The following SLC1A2 variants were observed in gnomAD, a reference collection of about 807,000 sequenced individuals.
The protein encoded by SLC1A2 is solute carrier family 1 member 2.
SLC1A2 carries 15 observed loss-of-function variants against 48.8 expected under a neutral mutation model. The observed-to-expected ratio is 0.31, with a 90% CI of 0.21 to 0.47. SLC1A2 has a LOEUF of 0.47. SLC1A2 is among the 20% of genes least tolerant of loss of function. SLC1A2 has a pLI of 0.99. For synonymous variants in SLC1A2, 279 were observed against 272.6 expected, an observed-to-expected ratio of 1.02 and a Z score of -0.23; for missense variants, 502 against 730.5, an observed-to-expected ratio of 0.69 and a Z score of 3.61.
At chr11:35,337,746 T>C (rs1244909765) in intron 1 of SLC1A2, among the ~76,000 whole-genome samples, 2 of 152,190 alleles carry the variant, frequency 1.3e-5, no homozygotes, top group Non-Finnish European at 1.5e-5. Flanking sequence ...GCCTCTTATC[T>C]GAGCCTAAGA....
intron 1 of SLC1A2, chr11:35,322,450 T>A (rs1187473074): frequency 1.5e-5 from 10 of 661,270 alleles, no homozygotes; most frequent in Non-Finnish European, 2.3e-5. Context: ...AAACTCTTTT[T>A]TCCACCTTCA....
intron 1 of SLC1A2, among the ~76,000 whole-genome samples, chr11:35,364,013 C>G (rs779000386): frequency 1.3e-5 from 2 of 152,198 alleles, no homozygotes; most frequent in African/African-American, 2.4e-5. Context: ...GACCCAGGAC[C>G]CTGCACTGTT....
chr11:35,274,535 A>G (rs1171136188), intron 9 of SLC1A2, among the ~76,000 whole-genome samples: 2 of 152,194 alleles, frequency 1.3e-5, no homozygotes, highest in Non-Finnish European at 2.9e-5. Context: ...TCCACCAGCC[A>G]TGAGTGGAGG....
At chr11:35,360,122 T>C in intron 1 of SLC1A2, 1 of 983,724 alleles carries the variant, frequency 1.0e-6, no homozygotes, top group Non-Finnish European at 1.2e-6. Context: ...AGTCCTGCTA[T>C]ACTATAGAGG....
chr11:35,333,859 A>C (rs1205353969), intron 1 of SLC1A2, among the ~76,000 whole-genome samples: 1 of 83,706 alleles, frequency 1.2e-5, no homozygotes, highest in Non-Finnish European at 2.5e-5. Context: ...TTGTATTTTT[A>C]GTAGAGACGG....
Position 35,253,223 on chromosome 11 carries a change from T to A in SLC1A2, c.*7671A>T, listed in dbSNP as rs938187187. 2 of 152,254 alleles carry A rather than the reference T, an allele frequency of 1.3e-5. No individual in the cohort carries two copies. The highest frequency in any genetic ancestry group is 6.5e-5 in the Admixed American group (1 of 15,272). The allele number at this position is 152,254 out of a possible 1,614,324, so 9.4% of individuals were successfully genotyped here. On this transcript the variant is annotated 3_prime_UTR_variant, in exon 11 of 11. Coordinates refer to ENST00000278379, the MANE Select transcript of SLC1A2 (RefSeq NM_004171.4). ...CTAAGCCCCCACTCCCAGCCCCCAG[T>A]GATACAGTATTGCCTCATAGTTGGT...
chr11:35,311,435 T>G (rs979154325), intron 4 of SLC1A2, among the ~76,000 whole-genome samples: 3 of 152,126 alleles, frequency 2.0e-5, no homozygotes, highest in Admixed American at 6.5e-5. Context: ...GCTGGGATTA[T>G]AGGCATGAGC....
At chr11:35,417,672 G>A (rs1855650715) in intron 1 of SLC1A2, among the ~76,000 whole-genome samples, 1 of 152,154 alleles carries the variant, frequency 6.6e-6, no homozygotes, top group Non-Finnish European at 1.5e-5. Context: ...CTGCAAAATA[G>A]GGCAAAGGGA....
chr11:35,287,441 T>C (rs10836366), intron 7 of SLC1A2, among the ~76,000 whole-genome samples: 39,331 of 152,138 alleles, frequency 0.26, 5,239 homozygotes, highest in Admixed American at 0.3. Flanking sequence ...TGGGAAATTG[T>C]CCTGAGCTGG....
At position 35,256,530 on chromosome 11, in the gene SLC1A2, C is replaced by A. The variant is rs1186055077; in HGVS notation, c.*4364G>T. 6.6e-6 allele frequency: 1 copy of A among 152,548 alleles called. No homozygotes were observed. The highest frequency in any genetic ancestry group is 1.5e-5 in the Non-Finnish European group (1 of 68,022). 9.4% of individuals were successfully genotyped at this position (152,548 alleles called of 1,614,324 possible). ...ACTCAGTGATCCCTCTAGGCTTAAC[C>A]AGAAATTACTACAGATACTGAGACC... is the stretch of plus-strand genomic sequence containing the variant. On this transcript the variant is annotated 3_prime_UTR_variant, in exon 11 of 11. Transcript: ENST00000278379.
intron 1 of SLC1A2, among the ~76,000 whole-genome samples, chr11:35,405,443 T>G (rs10836392): frequency 2.7e-5 from 4 of 150,542 alleles, no homozygotes; most frequent in Non-Finnish European, 4.4e-5. Flanking sequence ...TTAACTAATG[T>G]AATTGAAAAA....
chr11:35,274,297 T>C (rs866213553), intron 9 of SLC1A2, among the ~76,000 whole-genome samples: 1 of 152,166 alleles, frequency 6.6e-6, no homozygotes, highest in Non-Finnish European at 1.5e-5. Flanking sequence ...CCCTGCCCCA[T>C]CCCGCCTTGA....
chr11:35,349,133 G>A (rs1853148616), intron 1 of SLC1A2, among the ~76,000 whole-genome samples: 1 of 152,116 alleles, frequency 6.6e-6, no homozygotes, highest in Non-Finnish European at 1.5e-5. Flanking sequence ...CAGCAGCAAT[G>A]AACAAGACTG....
At chr11:35,290,934 G>A (rs1366659879) in intron 7 of SLC1A2, among the ~76,000 whole-genome samples, 1 of 152,166 alleles carries the variant, frequency 6.6e-6, no homozygotes, top group Non-Finnish European at 1.5e-5. Context: ...CAAGATGGAA[G>A]TTTTATTTGG....
intron 1 of SLC1A2, among the ~76,000 whole-genome samples, chr11:35,365,073 C>A (rs1853796052): frequency 6.6e-6 from 1 of 152,178 alleles, no homozygotes; most frequent in African/African-American, 2.4e-5. Context: ...GAAACTGAGG[C>A]AGAGAGATGT....
chr11:35,374,316 T>A, intron 1 of SLC1A2: 1 of 1,040,636 alleles, frequency 9.6e-7, no homozygotes. Context: ...TCCAGAAGAG[T>A]GGAAATGCCT....
rs576184869 is a variant in SLC1A2 at position 35,389,021 on chromosome 11, A to G, written c.17+29929T>C. On this transcript the variant is annotated intron_variant, in intron 1 of 10. Transcript: ENST00000278379. ...CTATTTGGGTAACGGGTACACTAGA[A>G]GTCCAGTCCCCACCAGTATGCAATA... is the stretch of plus-strand genomic sequence containing the variant. Among the ~76,000 whole-genome samples the G allele has an allele frequency of 3.9e-5, 6 of 152,328 alleles. No individual in the cohort carries two copies. In the South Asian group the frequency reaches 1.2e-3, roughly 32 times the overall value.
chr11:35,363,591 C>T (rs7931664), intron 1 of SLC1A2, among the ~76,000 whole-genome samples: 33,434 of 151,994 alleles, frequency 0.22, 4,298 homozygotes, highest in African/African-American at 0.36. Context: ...GACAGAGGAA[C>T]TAGCACTTAG....
At chr11:35,358,016 G>C (rs1459112546) in intron 1 of SLC1A2, among the ~76,000 whole-genome samples, 1 of 151,966 alleles carries the variant, frequency 6.6e-6, no homozygotes, top group Non-Finnish European at 1.5e-5. Flanking sequence ...GTGGTGGCAG[G>C]TGGCTATAGC....
Sources: gnomAD v4.1 joint callset for allele counts (sites outside exome capture counted in the v4.1 genomes callset) on GRCh38, gnomAD v4.1.1 for gene constraint, MANE v1.5 for transcripts, NCBI Gene and HGNC (gene_info 2026-07-23, HGNC 2026-07-21) for gene names.